Variants in ADGRG6 observed in about 807,000 individuals in gnomAD.
ADGRG6 encodes the protein adhesion G protein-coupled receptor G6.
ADGRG6 carries 84 observed loss-of-function variants against 142.4 expected under a neutral mutation model. The observed-to-expected ratio is 0.59, with a 90% CI of 0.49 to 0.71. The LOEUF (loss-of-function observed/expected upper bound fraction) is 0.71. ADGRG6 is among the 30% of genes least tolerant of loss of function. The pLI is 0.00. For synonymous variants in ADGRG6, 521 were observed against 520.5 expected, an observed-to-expected ratio of 1.00 and a Z score of -0.01; for missense variants, 1,367 against 1,466.6, an observed-to-expected ratio of 0.93 and a Z score of 1.11.
chr6:142,443,618 A>G lies in ADGRG6; in HGVS notation c.*103A>G, dbSNP rs1777862446. On this transcript the variant is annotated 3_prime_UTR_variant, in exon 25 of 25. Coordinates refer to ENST00000367609, the MANE Select transcript of ADGRG6 (RefSeq NM_198569.3). Reference sequence around the variant, plus strand: ...TGTGCTATTACCTAGGTAACTGCATATATATAAGGAATGTATTTTGTTAAG... The same window carrying G: ...TGTGCTATTACCTAGGTAACTGCATGTATATAAGGAATGTATTTTGTTAAG... 2.0e-5 allele frequency: 13 copies of G among 661,840 alleles called. No homozygotes were observed. Among genetic ancestry groups the G allele is most frequent in the Non-Finnish European group, 3.0e-5 (12 of 394,336 alleles). 41.0% of individuals were successfully genotyped at this position (661,840 alleles called of 1,614,324 possible).
intron 7 of ADGRG6, among the ~76,000 whole-genome samples, chr6:142,391,478 C>CACAG (rs1554248127): frequency 6.4e-5 from 9 of 141,664 alleles, no homozygotes; most frequent in African/African-American, 1.9e-4. Flanking sequence ...CACACACACA[C>CACAG]AGAGACATCT....
chr6:142,368,666 C>A (rs1273621858), intron 3 of ADGRG6, among the ~76,000 whole-genome samples: 1 of 151,720 alleles, frequency 6.6e-6, no homozygotes, highest in East Asian at 1.9e-4. Flanking sequence ...AACAGAAAGA[C>A]ACGACTATGA....
At chr6:142,338,558 ATAAT>A (rs1779460207) in intron 2 of ADGRG6, among the ~76,000 whole-genome samples, 1 of 151,470 alleles carries the variant, frequency 6.6e-6, no homozygotes, top group African/African-American at 2.4e-5. Flanking sequence ...TTGTGCTTAA[ATAAT>A]AGTAGTTAAT....
At position 142,443,436 on chromosome 6, in the gene ADGRG6, G is replaced by T; in HGVS notation, c.3674G>T (p.Gly1225Val). ...PVHQVIDKVK[G>V]YCNAHSDNFY... ...CATCAGGTCATTGATAAGGTCAAGG[G>T]TTATTGCAATGCTCATTCAGACAAC... Residue 1225 changes from glycine (G) to valine (V), a missense_variant, in exon 25 of 25, where the codon GGT becomes GTT. Around this residue, in one of 3 missense-constraint regions of ADGRG6, gnomAD observed 344 missense variants for 348.7 expected, o/e 0.99. Coordinates refer to ENST00000367609, the MANE Select transcript of ADGRG6 (RefSeq NM_198569.3). The T allele has an allele frequency of 1.2e-6, 2 of 1,611,094 alleles. No homozygotes were observed. Among genetic ancestry groups the T allele is most frequent in the South Asian group, 2.2e-5 (2 of 90,972 alleles).
intron 5 of ADGRG6, among the ~76,000 whole-genome samples, chr6:142,383,077 C>A (rs966383069): frequency 2.0e-5 from 3 of 151,752 alleles, no homozygotes; most frequent in African/African-American, 7.3e-5. Context: ...CTGTTTAGTT[C>A]AAGATCTGAA....
At chr6:142,326,116 A>C (rs980783415) in intron 2 of ADGRG6, among the ~76,000 whole-genome samples, 1 of 152,132 alleles carries the variant, frequency 6.6e-6, no homozygotes, top group Non-Finnish European at 1.5e-5. Context: ...AAAAACTAGT[A>C]GATAGTATGC....
intron 2 of ADGRG6, among the ~76,000 whole-genome samples, chr6:142,324,986 T>C (rs1778696473): frequency 6.6e-6 from 1 of 152,158 alleles, no homozygotes; most frequent in Non-Finnish European, 1.5e-5. Context: ...GAAACTATGT[T>C]GTAAACAAAT....
rs1781176378 is a variant in ADGRG6, at chr6:142,370,332, C to G, written c.608C>G (p.Ser203Cys). 6.2e-7 allele frequency: 1 copy of G among 1,613,746 alleles called. No homozygotes were observed. Among genetic ancestry groups the G allele is most frequent in the Non-Finnish European group, 8.5e-7 (1 of 1,179,698 alleles). Residue 203 changes from serine (S) to cysteine (C), a missense_variant, in exon 4 of 25, where the codon TCC becomes TGC. By Grantham distance (112) the Ser-to-Cys change is moderately radical. Around this residue, in one of 3 missense-constraint regions of ADGRG6, gnomAD observed 737 missense variants for 746.5 expected, o/e 0.99. Coordinates refer to ENST00000367609, the MANE Select transcript of ADGRG6 (RefSeq NM_198569.3). ...GAAGACAGTGATTGGACAGCTTTCT[C>G]CTACTCAAATGCATCCTTCACACAA... Reference protein sequence around the residue: ...GHEDSDWTAFSYSNASFTQLL... With the variant: ...GHEDSDWTAFCYSNASFTQLL...
intron 1 of ADGRG6, among the ~76,000 whole-genome samples, chr6:142,303,680 A>C (rs999631526): frequency 1.3e-5 from 2 of 152,176 alleles, no homozygotes; most frequent in Admixed American, 6.5e-5. Context: ...TTTCAACTTC[A>C]GTTTTTCTTG....
chr6:142,440,129 G>C (rs989360464), intron 24 of ADGRG6, among the ~76,000 whole-genome samples: 1 of 152,118 alleles, frequency 6.6e-6, no homozygotes, highest in Admixed American at 6.5e-5. Context: ...GGAACATGAG[G>C]CATTTTGGAA....
At chr6:142,394,263 G>T (rs1407235899) in intron 9 of ADGRG6, among the ~76,000 whole-genome samples, 1 of 151,964 alleles carries the variant, frequency 6.6e-6, no homozygotes, top group Non-Finnish European at 1.5e-5. Context: ...AATTGCAAAG[G>T]TACCTTCAAA....
At chr6:142,319,320 A>C (rs1026012931) in intron 2 of ADGRG6, among the ~76,000 whole-genome samples, 1 of 152,120 alleles carries the variant, frequency 6.6e-6, no homozygotes, top group African/African-American at 2.4e-5. Context: ...TTTCATCTCC[A>C]CTGGGTATAT....
intron 2 of ADGRG6, among the ~76,000 whole-genome samples, chr6:142,315,868 T>G (rs866854939): frequency 6.8e-5 from 9 of 131,942 alleles, no homozygotes; most frequent in South Asian, 2.5e-4. Context: ...AATAAATAAA[T>G]AAAGCAAGGT....
At chr6:142,344,899 G>A (rs1779819229) in intron 2 of ADGRG6, among the ~76,000 whole-genome samples, 1 of 151,914 alleles carries the variant, frequency 6.6e-6, no homozygotes, top group South Asian at 2.1e-4. Flanking sequence ...AATCTCCTCA[G>A]ATGTTGGGAA....
intron 2 of ADGRG6, among the ~76,000 whole-genome samples, chr6:142,345,364 T>A (rs1156523680): frequency 6.6e-6 from 1 of 152,082 alleles, no homozygotes; most frequent in Non-Finnish European, 1.5e-5. Flanking sequence ...TGTTGGCTGA[T>A]CACTATAAAC....
At chr6:142,373,881 C>CTTTTTTTTTTTTTTTTTTT (rs769498618) in intron 4 of ADGRG6, among the ~76,000 whole-genome samples, 4 of 93,868 alleles carry the variant, frequency 4.3e-5, no homozygotes, top group African/African-American at 4.2e-5. Context: ...TTTTTCTTTT[C>CTTTTTTTTTTTTTTTTTTT]TTTTTTTTTT....
Position 142,356,406 on chromosome 6 carries a change from C to T in ADGRG6, c.104-11163C>T, listed in dbSNP as rs138301170. Among the ~76,000 whole-genome samples, 29 of 152,248 alleles carry T rather than the reference C, an allele frequency of 1.9e-4. No individual in the cohort carries two copies. The East Asian group carries it at 3.7e-3, about 19-fold the overall frequency. On this transcript the variant is annotated intron_variant, in intron 2 of 24. Coordinates refer to ENST00000367609, the MANE Select transcript of ADGRG6 (RefSeq NM_198569.3). ...GTACCCCAGAAGTCAGGATGTTTGC[C>T]GACCATTAGCTCTACTTGCATGCAA...
intron 2 of ADGRG6, among the ~76,000 whole-genome samples, chr6:142,333,915 AT>A (rs1779187223): frequency 6.6e-6 from 1 of 152,170 alleles, no homozygotes; most frequent in African/African-American, 2.4e-5. Context: ...TCTGTCTCTA[AT>A]CCTATGGCTT....
intron 22 of ADGRG6, among the ~76,000 whole-genome samples, chr6:142,429,188 G>GTAT (rs1015158869): frequency 3.9e-5 from 6 of 152,100 alleles, no homozygotes; most frequent in African/African-American, 4.8e-5. Flanking sequence ...AGAGAAATGC[G>GTAT]TATTATTATT....
Sources: gnomAD v4.1 joint callset for allele counts (sites outside exome capture counted in the v4.1 genomes callset) on GRCh38, gnomAD v4.1.1 for gene constraint, gnomAD v4.1.1 regional missense constraint, MANE v1.5 for transcripts, NCBI Gene and HGNC (gene_info 2026-07-23, HGNC 2026-07-21) for gene names.